Variants in ADAM7 observed in about 807,000 individuals in gnomAD.
ADAM7 encodes disintegrin and metalloproteinase domain-containing protein 7.
Under a neutral mutation model 102.9 loss-of-function variants are expected in ADAM7, and 97 were observed. That is an observed-to-expected ratio of 0.94 (90% CI 0.80 to 1.12). The LOEUF is 1.12. Ranked by LOEUF, ADAM7 falls within the 50% of genes most tolerant of loss-of-function variation. ADAM7 has a pLI of 0.00. For synonymous variants in ADAM7, 334 were observed against 304.4 expected (o/e 1.10, Z -1.01); for missense variants, 991 against 908.7 (o/e 1.09, Z -1.16).
At chr8:24,493,284 C>A in intron 16 of ADAM7, 55 bp downstream of exon 16, 1 of 1,456,486 alleles carries the variant, frequency 6.9e-7, no homozygotes, top group Non-Finnish European at 9.2e-7. Flanking sequence ...CCTTTAAAAA[C>A]ATTACTGGAT....
At chr8:24,445,562 T>G (rs1462827401) in intron 2 of ADAM7, among the ~76,000 whole-genome samples, 1 of 152,198 alleles carries the variant, frequency 6.6e-6, no homozygotes, top group African/African-American at 2.4e-5. Flanking sequence ...AGTTATCTAC[T>G]GCTTACTCCT....
intron 7 of ADAM7, among the ~76,000 whole-genome samples, chr8:24,473,618 C>G (rs949774738): frequency 6.6e-6 from 1 of 152,072 alleles, no homozygotes; most frequent in Admixed American, 6.6e-5. Flanking sequence ...AAGAGTGATT[C>G]CTTGAGTCAT....
intron 11 of ADAM7, 117 bp downstream of exon 11, chr8:24,487,434 G>A (rs1449817720): frequency 1.0e-5 from 13 of 1,299,034 alleles, no homozygotes; most frequent in Non-Finnish European, 1.2e-5. Flanking sequence ...ATCACCTGAG[G>A]TCAGGAGTTC....
At chr8:24,502,179 T>C (rs1820785333) in intron 20 of ADAM7, among the ~76,000 whole-genome samples, 1 of 152,062 alleles carries the variant, frequency 6.6e-6, no homozygotes, top group Admixed American at 6.6e-5. Flanking sequence ...GAACTCAACT[T>C]TCAAAGGAAT....
At chr8:24,446,048 C>T (rs1481277079) in intron 2 of ADAM7, among the ~76,000 whole-genome samples, 2 of 150,582 alleles carry the variant, frequency 1.3e-5, no homozygotes, top group Admixed American at 6.6e-5. Flanking sequence ...AGACCTCCAC[C>T]GTCTACACCA....
chr8:24,501,553 C>T lies in ADAM7; in HGVS notation c.2185C>T (p.Leu729=). 1 of 1,600,714 alleles carries T rather than the reference C, an allele frequency of 6.2e-7. No homozygotes were observed. Among genetic ancestry groups the T allele is most frequent in the Non-Finnish European group, 8.5e-7 (1 of 1,175,996 alleles). Residue 729 remains leucine (L), a synonymous_variant, in exon 20 of 22, where the codon CTG becomes TTG. Coordinates refer to ENST00000175238, the MANE Select transcript of ADAM7 (RefSeq NM_003817.4). ...GCAGCAGATAAGGACTGAGCCAATC[C>T]TGCCAGAAATTCATTTCCTAAATGT... ...DEQQIRTEPI[L]PEIHFLNKPA...
intron 12 of ADAM7, among the ~76,000 whole-genome samples, chr8:24,489,731 T>A (rs1820274337): frequency 6.6e-6 from 1 of 152,164 alleles, no homozygotes; most frequent in African/African-American, 2.4e-5. Flanking sequence ...AGCTGGACAG[T>A]TCCTGTTAAT....
Position 24,490,813 on chromosome 8 carries a change from T to C in ADAM7, c.1281T>C (p.Pro427=). 6.2e-7 allele frequency: 1 copy of C among 1,613,766 alleles called. No homozygotes were observed. Among genetic ancestry groups the C allele is most frequent in the Middle Eastern group, 1.7e-4 (1 of 6,054 alleles). The change falls in exon 13 of 22, where the codon CCT becomes CCC. Residue 427 remains proline (P), a synonymous_variant. Coordinates refer to ENST00000175238, the MANE Select transcript of ADAM7 (RefSeq NM_003817.4). ...GTTATTGCCAGGAGTGTACTAATCCTTGCTGTGATGCACACACATGTGTAC... is the reference window on the plus strand; with the variant it reads ...GTTATTGCCAGGAGTGTACTAATCCCTGCTGTGATGCACACACATGTGTAC... ...DCGPAQECTN[P]CCDAHTCVLK...
intron 3 of ADAM7, among the ~76,000 whole-genome samples, chr8:24,463,434 T>C (rs1366789267): frequency 6.6e-6 from 1 of 152,122 alleles, no homozygotes; most frequent in Non-Finnish European, 1.5e-5. Context: ...GCATGGGTAG[T>C]GTGAATTTAT....
chr8:24,452,128 T>G (rs1441197987), intron 3 of ADAM7, among the ~76,000 whole-genome samples: 1 of 151,464 alleles, frequency 6.6e-6, no homozygotes, highest in Non-Finnish European at 1.5e-5. Context: ...TATATTCTGT[T>G]GATTTGGGGT....
chr8:24,446,870 A>G (rs549586900), intron 2 of ADAM7, among the ~76,000 whole-genome samples: 2 of 148,956 alleles, frequency 1.3e-5, no homozygotes, highest in Non-Finnish European at 3.0e-5. Flanking sequence ...CTATATTATA[A>G]CATGCTATGT....
chr8:24,449,643 C>G (rs2129374435), intron 3 of ADAM7, among the ~76,000 whole-genome samples: 1 of 152,236 alleles, frequency 6.6e-6, no homozygotes, highest in Admixed American at 6.5e-5. Flanking sequence ...TGCAGAAGCT[C>G]TTTAGTTTAA....
intron 21 of ADAM7, 65 bp from the exon 22 acceptor site, chr8:24,508,481 T>C: frequency 6.6e-7 from 1 of 1,516,908 alleles, no homozygotes; most frequent in Non-Finnish European, 9.2e-7. Context: ...AAATGAGTAA[T>C]GGAAATACAT....
chr8:24,474,890 G>C (rs1585889330), intron 7 of ADAM7, among the ~76,000 whole-genome samples: 2 of 152,036 alleles, frequency 1.3e-5, no homozygotes, highest in Non-Finnish European at 1.5e-5. Flanking sequence ...GCAAGACCTT[G>C]TCTCAAGGAA....
At position 24,464,873 on chromosome 8, in the gene ADAM7, G is replaced by A. The variant is rs574223892; in HGVS notation, c.313-826G>A. The stretch of plus-strand genomic sequence containing the variant: ...ACAATCTCAGCTCACTGCAACCTCC[G>A]CCTCCCAGGTTCAAGCGATTCTCCT... On this transcript the variant is annotated intron_variant, in intron 4 of 21. Transcript: ENST00000175238. 1.4e-3 allele frequency among the ~76,000 whole-genome samples: 172 copies of A among 123,550 alleles called. 1 individual carries two copies. The highest frequency in any genetic ancestry group is 2.2e-3 in the Non-Finnish European group (125 of 56,958). 81.1% of individuals were successfully genotyped at this position (123,550 alleles called of 152,430 possible). A position where few individuals can be genotyped will look rare whatever the true frequency, so the allele number is the denominator to read the frequency against.
chr8:24,487,683 T>C (rs1285408025), intron 11 of ADAM7, among the ~76,000 whole-genome samples: 1 of 151,638 alleles, frequency 6.6e-6, no homozygotes, highest in Non-Finnish European at 1.5e-5. Context: ...GTTTCAAAAG[T>C]GGATTTTGAG....
intron 7 of ADAM7, among the ~76,000 whole-genome samples, chr8:24,470,211 A>G (rs1819559987): frequency 6.6e-6 from 1 of 152,134 alleles, no homozygotes; most frequent in African/African-American, 2.4e-5. Flanking sequence ...CAGTTTCTAG[A>G]AAGTAAGTTC....
At chr8:24,448,951 T>A (rs1264595049) in intron 3 of ADAM7, among the ~76,000 whole-genome samples, 4 of 152,160 alleles carry the variant, frequency 2.6e-5, no homozygotes, top group African/African-American at 9.7e-5. Context: ...TGATTTCCAA[T>A]TTCATCCATG....
chr8:24,501,930 G>A (rs140941202), intron 20 of ADAM7, among the ~76,000 whole-genome samples: 580 of 152,176 alleles, frequency 3.8e-3, no homozygotes, highest in African/African-American at 0.013. Context: ...AGTGGCTCAC[G>A]TCTGTAATCC....
Sources: gnomAD v4.1 joint callset for allele counts (sites outside exome capture counted in the v4.1 genomes callset) on GRCh38, gnomAD v4.1.1 for gene constraint, MANE v1.5 for transcripts, NCBI Gene and HGNC (gene_info 2026-07-23, HGNC 2026-07-21) for gene names.